C11orf65: variants seen among roughly 807,000 people sequenced by gnomAD.
C11orf65 encodes the protein chromosome 11 open reading frame 65, also known as protein MFI.
A neutral mutation model predicts 35.3 loss-of-function variants in C11orf65; 38 were observed. The ratio of observed to expected loss-of-function variants is 1.08; its 90% CI spans 0.83 to 1.41. The LOEUF (loss-of-function observed/expected upper bound fraction) is 1.41. Among genes scored for constraint, C11orf65 ranks in the 40% most tolerant of loss-of-function variants. C11orf65 has a pLI of 0.00. For synonymous variants in C11orf65, 105 were observed against 114.4 expected (o/e 0.92, Z 0.53); for missense variants, 370 against 367.1 (o/e 1.01, Z -0.06).
intron 3 of C11orf65, among the ~76,000 whole-genome samples, chr11:108,411,792 CTTT>C (rs555110271): frequency 2.1e-5 from 3 of 143,306 alleles, no homozygotes; most frequent in Non-Finnish European, 1.5e-5. Context: ...TTTCTTTTTT[CTTT>C]TTTTTTTTTT....
intron 2 of C11orf65, among the ~76,000 whole-genome samples, chr11:108,455,245 G>C (rs1344732843): frequency 6.6e-6 from 1 of 152,184 alleles, no homozygotes; most frequent in Non-Finnish European, 1.5e-5. Context: ...GTCTCAGCCA[G>C]AGAAATTAGG....
downstream of C11orf65, chr11:108,329,345 T>C: frequency 9.5e-7 from 1 of 1,051,132 alleles, no homozygotes; most frequent in Non-Finnish European, 1.4e-6. Context: ...AGTTTTGAGC[T>C]CTAAAGGTCG....
intron 6 of C11orf65, chr11:108,325,526 A>C (rs368596499): frequency 6.2e-7 from 1 of 1,604,742 alleles, no homozygotes; most frequent in African/African-American, 1.3e-5. Flanking sequence ...TACTGGCCAG[A>C]ACTTTCAAGA....
intron 3 of C11orf65, among the ~76,000 whole-genome samples, chr11:108,415,675 A>G (rs1435649404): frequency 6.6e-6 from 1 of 152,336 alleles, no homozygotes; most frequent in African/African-American, 2.4e-5. Context: ...GGTGAACAAC[A>G]AAGTTGGAGA....
chr11:108,335,161 T>G (rs2086700852), intron 3 of C11orf65: 1 of 1,612,240 alleles, frequency 6.2e-7, no homozygotes, highest in Non-Finnish European at 8.5e-7. Flanking sequence ...GATGAAAATT[T>G]TTAGTTCATA....
chr11:108,316,590 A>T (rs555203457), intron 6 of C11orf65, among the ~76,000 whole-genome samples: 53 of 151,958 alleles, frequency 3.5e-4, no homozygotes, highest in Non-Finnish European at 6.5e-4. Context: ...TTTTTTGGGA[A>T]ACATTAAACG....
intron 2 of C11orf65, among the ~76,000 whole-genome samples, chr11:108,448,021 C>G (rs1565712100): frequency 6.6e-6 from 1 of 152,158 alleles, no homozygotes; most frequent in Non-Finnish European, 1.5e-5. Flanking sequence ...TGCAAATAAA[C>G]TAGAAAATCT....
chr11:108,379,138 A>C (rs1287338942), downstream of C11orf65, among the ~76,000 whole-genome samples: 2 of 152,148 alleles, frequency 1.3e-5, no homozygotes, highest in Admixed American at 6.5e-5. Flanking sequence ...TATATACCCA[A>C]AGGACTATAA....
At position 108,377,660 on chromosome 11, in the gene C11orf65, G is replaced by T. The variant is rs919921611; in HGVS notation, c.226+15548C>A. 9.0e-3 allele frequency among the ~76,000 whole-genome samples: 1,357 copies of T among 151,224 alleles called. 18 individuals carry two copies. The highest frequency in any genetic ancestry group is 0.031 in the African/African-American group (1,270 of 41,174). On this transcript the variant is annotated intron_variant, in intron 2 of 3. Transcript: ENST00000524755. ...ATCAGGCAGGAGAAGGAAATAAAGGGTATTCAATTAGGAAAAGAGGAAGTC... is the reference window on the plus strand; with the variant it reads ...ATCAGGCAGGAGAAGGAAATAAAGGTTATTCAATTAGGAAAAGAGGAAGTC...
chr11:108,393,457 G>T (rs1265630000), intron 6 of C11orf65, 79 bp from the exon 7 acceptor site: 1 of 1,312,436 alleles, frequency 7.6e-7, no homozygotes, highest in Non-Finnish European at 1.1e-6. Context: ...ATATATTGTT[G>T]CTATTTACAT....
chr11:108,357,229 T>A (rs915009580), intron 2 of C11orf65, among the ~76,000 whole-genome samples: 11 of 152,244 alleles, frequency 7.2e-5, no homozygotes, highest in Middle Eastern at 3.4e-3. Flanking sequence ...ATATTGCGCT[T>A]TTTGGACCGG....
intron 2 of C11orf65, among the ~76,000 whole-genome samples, chr11:108,373,320 A>G (rs1297305778): frequency 1.3e-5 from 2 of 152,196 alleles, no homozygotes; most frequent in Non-Finnish European, 2.9e-5. Flanking sequence ...AAAACTCATC[A>G]AACTAGGAAT....
downstream of C11orf65, among the ~76,000 whole-genome samples, chr11:108,380,149 G>A (rs1361050389): frequency 1.3e-5 from 2 of 152,136 alleles, no homozygotes; most frequent in Non-Finnish European, 2.9e-5. Context: ...CGTTCCCTAC[G>A]AACTTGGGCC....
chr11:108,349,642 G>A (rs958193893), intron 2 of C11orf65, among the ~76,000 whole-genome samples: 2 of 152,106 alleles, frequency 1.3e-5, no homozygotes, highest in Admixed American at 6.6e-5. Flanking sequence ...CAGCCTGGGC[G>A]GCAGAGCAAG....
At chr11:108,442,848 C>T (rs2093179799) in intron 2 of C11orf65, among the ~76,000 whole-genome samples, 1 of 152,176 alleles carries the variant, frequency 6.6e-6, no homozygotes, top group Non-Finnish European at 1.5e-5. Flanking sequence ...AAAGGAACAA[C>T]CAGTACCAGC....
In C11orf65 at chr11:108,316,076, C is replaced by G. The variant is rs2136130435; in HGVS notation, c.641-7005G>C. The G allele has an allele frequency of 6.2e-7, 1 of 1,614,116 alleles. No homozygotes were observed. Among genetic ancestry groups the G allele is most frequent in the Non-Finnish European group, 8.5e-7 (1 of 1,180,014 alleles). On this transcript the variant is annotated intron_variant, in intron 6 of 6. Coordinates refer to the C11orf65 transcript ENST00000525729. ...CTAGTAACATATGACCTCGAAACAG[C>G]AATCCCCTCATCAACACGCCAGGCA...
chr11:108,432,166 C>T (rs924271075), intron 2 of C11orf65, among the ~76,000 whole-genome samples: 2 of 152,166 alleles, frequency 1.3e-5, no homozygotes, highest in Non-Finnish European at 2.9e-5. Context: ...TGATTAAGAA[C>T]CACTGAGTAT....
Position 108,407,167 on chromosome 11 carries a change from A to G in C11orf65, c.175-18T>C. On this transcript the variant is annotated intron_variant, in intron 3 of 8. Transcript: ENST00000393084. ...AGCTCTGCCTATAAGAAAATATATT[A>G]TTCTTATATATTATTCTTCAGGATT... 1 of 1,490,446 alleles carries G rather than the reference A, an allele frequency of 6.7e-7. No individual in the cohort carries two copies. The highest frequency in any genetic ancestry group is 9.2e-7 in the Non-Finnish European group (1 of 1,092,832). 92.3% of individuals were successfully genotyped at this position (1,490,446 alleles called of 1,614,324 possible). A position where few individuals can be genotyped will look rare whatever the true frequency, so the allele number is the denominator to read the frequency against.
At chr11:108,345,968 G>T (rs1476557809) in intron 2 of C11orf65, 4 of 1,592,556 alleles carry the variant, frequency 2.5e-6, no homozygotes, top group South Asian at 2.2e-5. Flanking sequence ...TTTTATTTTT[G>T]TTTGATTCAG....
Sources: allele counts gnomAD v4.1 joint callset (sites outside exome capture counted in the v4.1 genomes callset), GRCh38; gene constraint gnomAD v4.1.1; transcripts MANE v1.5; gene names NCBI Gene and HGNC (gene_info 2026-07-23, HGNC 2026-07-21).